The following RAB40B variants were observed in gnomAD, a reference collection of about 807,000 sequenced individuals.
The protein encoded by RAB40B is RAB40B, member RAS oncogene family.
Under a neutral mutation model 24.0 loss-of-function variants are expected in RAB40B, and 21 were observed. The ratio of observed to expected loss-of-function variants is 0.88; its 90% CI spans 0.62 to 1.26. RAB40B has a LOEUF of 1.26. Among genes scored for constraint, RAB40B ranks in the 50% most tolerant of loss-of-function variants. The probability of loss-of-function intolerance (pLI) is 0.00; values close to 1 mark genes in which losing one functional copy is unlikely to be tolerated. For missense variants in RAB40B, 348 were observed against 390.5 expected (o/e 0.89, Z 0.92); for synonymous variants, 167 against 169.8 (o/e 0.98, Z 0.13).
chr17:82,657,671 G>A lies in RAB40B; in HGVS notation c.*192C>T. 1.3e-6 allele frequency: 1 copy of A among 743,764 alleles called. No homozygotes were observed. The highest frequency in any genetic ancestry group is 2.4e-6 in the Non-Finnish European group (1 of 413,664). The allele number at this position is 743,764 out of a possible 1,614,324, so 46.1% of individuals were successfully genotyped here. A position where few individuals can be genotyped will look rare whatever the true frequency, so the allele number is the denominator to read the frequency against. On this transcript the variant is annotated 3_prime_UTR_variant, in exon 6 of 6. Transcript: ENST00000571995. ...TTACAAACACACATCGAAAACAAGA[G>A]CTTCATGCACATCCACGTAGAAATT...
chr17:82,695,168 C>T (rs1018805761), intron 1 of RAB40B, among the ~76,000 whole-genome samples: 6 of 150,538 alleles, frequency 4.0e-5, no homozygotes, highest in African/African-American at 9.9e-5. Flanking sequence ...GAGTTACGAA[C>T]GCCCTCATCT....
intron 1 of RAB40B, among the ~76,000 whole-genome samples, chr17:82,672,671 G>C (rs918511969): frequency 6.6e-6 from 1 of 152,234 alleles, no homozygotes; most frequent in Non-Finnish European, 1.5e-5. Flanking sequence ...GATGCCCTCT[G>C]CCAGGTTATG....
chr17:82,659,338 A>C lies in RAB40B; in HGVS notation c.342+242T>G. The C allele has an allele frequency of 3.8e-6, 2 of 523,036 alleles. 1 individual carries two copies. Among genetic ancestry groups the C allele is most frequent in the South Asian group, 4.4e-5 (2 of 44,970 alleles). The allele number at this position is 523,036 out of a possible 1,614,324, so 32.4% of individuals were successfully genotyped here. A position where few individuals can be genotyped will look rare whatever the true frequency, so the allele number is the denominator to read the frequency against. ...ACCTGACCCCACGCATAGCCGAGGTACGCCGTGGACGCTCGTTTCGTCTGG... is the reference window on the plus strand; with the variant it reads ...ACCTGACCCCACGCATAGCCGAGGTCCGCCGTGGACGCTCGTTTCGTCTGG... On this transcript the variant is annotated intron_variant, in intron 4 of 5. Transcript: ENST00000571995.
chr17:82,682,872 C>T (rs186999358), intron 1 of RAB40B, among the ~76,000 whole-genome samples: 129 of 152,296 alleles, frequency 8.5e-4, no homozygotes, highest in Non-Finnish European at 1.6e-3. Context: ...CGGCCGGGCA[C>T]GGTGACTCAT....
rs536996839 is a variant in RAB40B at position 82,657,920 on chromosome 17, G to A, written c.780C>T (p.Val260=). 5.6e-6 allele frequency: 9 copies of A among 1,613,514 alleles called. No homozygotes were observed. The highest frequency in any genetic ancestry group is 2.2e-5 in the East Asian group (1 of 44,862). ...TTTTGGGGGGGCTCTGGGGGGGGCGGACGAGCTTCACTTTGCGGAGGCTGC... is the reference window on the plus strand; with the variant it reads ...TTTTGGGGGGGCTCTGGGGGGGGCGAACGAGCTTCACTTTGCGGAGGCTGC... The part of the protein sequence containing the change: ...KRSSLRKVKL[V]RPPQSPPKNC... The change falls in exon 6 of 6, where the codon GTC becomes GTT. Residue 260 remains valine (V), a synonymous_variant. Transcript: ENST00000571995.
At chr17:82,677,813 G>C (rs1016866679) in intron 1 of RAB40B, among the ~76,000 whole-genome samples, 1 of 152,192 alleles carries the variant, frequency 6.6e-6, no homozygotes. Flanking sequence ...GTGATGCTGC[G>C]GTGCTGCACC....
chr17:82,671,947 G>C (rs1292294754), intron 1 of RAB40B, among the ~76,000 whole-genome samples: 3 of 218 alleles, frequency 0.014, 1 homozygote, highest in Admixed American at 0.33. Flanking sequence ...CACTGACACA[G>C]CTCACCCTGT....
At chr17:82,676,630 T>C (rs2046397526) in intron 1 of RAB40B, among the ~76,000 whole-genome samples, 2 of 152,074 alleles carry the variant, frequency 1.3e-5, no homozygotes, top group Admixed American at 1.3e-4. Flanking sequence ...AATTTTTCTT[T>C]TTCTTTTTCT....
intron 1 of RAB40B, among the ~76,000 whole-genome samples, chr17:82,673,779 A>G (rs1187505311): frequency 2.0e-5 from 3 of 151,998 alleles, no homozygotes; most frequent in Non-Finnish European, 4.4e-5. Context: ...TGACCACTCC[A>G]TGGGCCTTTC....
In RAB40B at chr17:82,657,750, C is replaced by T. The variant is rs188137213; in HGVS notation, c.*113G>A. The T allele has an allele frequency of 9.1e-5, 119 of 1,301,830 alleles. No homozygotes were observed. Among genetic ancestry groups the T allele is most frequent in the Non-Finnish European group, 1.2e-4 (112 of 897,704 alleles). The allele number at this position is 1,301,830 out of a possible 1,614,324, so 80.6% of individuals were successfully genotyped here. On this transcript the variant is annotated 3_prime_UTR_variant, in exon 6 of 6. Coordinates refer to ENST00000571995, the MANE Select transcript of RAB40B (RefSeq NM_006822.3). ...TCACACGGAAGGCGTCGCACACATTCGCAAGCAGCATTCGCCGAGAGGAAC... is the reference window on the plus strand; with the variant it reads ...TCACACGGAAGGCGTCGCACACATTTGCAAGCAGCATTCGCCGAGAGGAAC...
intron 1 of RAB40B, among the ~76,000 whole-genome samples, chr17:82,671,353 CT>C (rs375437090): frequency 4.6e-5 from 7 of 151,274 alleles, no homozygotes; most frequent in African/African-American, 4.8e-5. Context: ...CACCTCACCC[CT>C]GTAACTCTAA....
At chr17:82,695,830 T>C (rs1446852707) in intron 1 of RAB40B, among the ~76,000 whole-genome samples, 1 of 152,180 alleles carries the variant, frequency 6.6e-6, no homozygotes, top group Non-Finnish European at 1.5e-5. Flanking sequence ...ACCCGTGATA[T>C]CAGTTTTTTC....
intron 2 of RAB40B, 91 bp downstream of exon 2, chr17:82,664,404 TC>T: frequency 7.9e-7 from 1 of 1,265,206 alleles, no homozygotes; most frequent in Non-Finnish European, 1.1e-6. Context: ...GGATGGGTGC[TC>T]CCCGGGGCAC....
intron 1 of RAB40B, among the ~76,000 whole-genome samples, chr17:82,685,598 A>G (rs1340157216): frequency 1.3e-5 from 2 of 152,148 alleles, no homozygotes; most frequent in Non-Finnish European, 2.9e-5. Flanking sequence ...AACAGGAACC[A>G]ACAGGGCCAG....
chr17:82,686,084 G>A (rs2046497595), intron 1 of RAB40B, among the ~76,000 whole-genome samples: 1 of 147,912 alleles, frequency 6.8e-6, no homozygotes, highest in Non-Finnish European at 1.5e-5. Flanking sequence ...TTACAGGCGT[G>A]AGCCACCGCA....
At chr17:82,671,446 CTG>C (rs2046333832) in intron 1 of RAB40B, among the ~76,000 whole-genome samples, 5 of 139,844 alleles carry the variant, frequency 3.6e-5, no homozygotes, top group African/African-American at 1.3e-4. Flanking sequence ...CCTGTACTAA[CTG>C]ACACACCCCA....
Position 82,663,762 on chromosome 17 carries a change from G to A in RAB40B, c.203+734C>T, listed in dbSNP as rs2046206782. 6.6e-6 allele frequency among the ~76,000 whole-genome samples: 1 copy of A among 152,162 alleles called. No homozygotes were observed. Among genetic ancestry groups the A allele is most frequent in the African/African-American group, 2.4e-5 (1 of 41,442 alleles). ...AGGCGTGGGGGACCCAGGAGCCCCG[G>A]GCTGCCTCAACCACGCTGCATCGGT... On this transcript the variant is annotated intron_variant, in intron 2 of 5. Transcript: ENST00000571995. The surrounding 1 kb of genome is among the most constrained non-coding windows in gnomAD (Gnocchi z 6.2).
At chr17:82,679,492 A>G (rs2046428462) in intron 1 of RAB40B, among the ~76,000 whole-genome samples, 1 of 151,880 alleles carries the variant, frequency 6.6e-6, no homozygotes, top group Non-Finnish European at 1.5e-5. Flanking sequence ...TGTGTTAGCC[A>G]GGATGGTCTC....
At chr17:82,683,731 T>C (rs1242388661) in intron 1 of RAB40B, among the ~76,000 whole-genome samples, 1 of 146,258 alleles carries the variant, frequency 6.8e-6, no homozygotes, top group Non-Finnish European at 1.5e-5. Flanking sequence ...TTGAGCCCAG[T>C]AGGTGGAGAC....
Sources: gnomAD v4.1 joint callset for allele counts (sites outside exome capture counted in the v4.1 genomes callset) on GRCh38, gnomAD v4.1.1 for gene constraint, Gnocchi (gnomAD v3.1) non-coding constraint, MANE v1.5 for transcripts, NCBI Gene and HGNC (gene_info 2026-07-23, HGNC 2026-07-21) for gene names.